Variants in CDH18 observed in about 807,000 individuals in gnomAD.
CDH18 encodes cadherin-18.
CDH18 carries 31 observed loss-of-function variants against 67.9 expected under a neutral mutation model. The ratio of observed to expected loss-of-function variants is 0.46; its 90% CI spans 0.34 to 0.62. CDH18 has a LOEUF of 0.62. Ranked by LOEUF, CDH18 falls within the 20% of genes least tolerant of loss-of-function variation. The pLI, the probability that CDH18 is intolerant of heterozygous loss-of-function variation, is 0.01. For synonymous variants in CDH18, 362 were observed against 347.2 expected, an observed-to-expected ratio of 1.04 and a Z score of -0.48; for missense variants, 890 against 975.5, an observed-to-expected ratio of 0.91 and a Z score of 1.17.
intron 2 of CDH18, among the ~76,000 whole-genome samples, chr5:20,083,300 T>A (rs1744646506): frequency 1.3e-5 from 2 of 152,212 alleles, no homozygotes; most frequent in African/African-American, 4.8e-5. Context: ...AGTAAGACTC[T>A]TATAGGTCAT....
Position 20,055,990 on chromosome 5 carries a change from C to CTT in CDH18, c.-517-63978_-517-63977dup, listed in dbSNP as rs34736791. On this transcript the variant is annotated intron_variant, in intron 2 of 14. Transcript: ENST00000507958. ...CTAACTTTAGGGTCCTTTTGGTTTCCTTTTTTTTTTTTTTTTTTTTTTTTT... is the reference window on the plus strand; with the variant it reads ...CTAACTTTAGGGTCCTTTTGGTTTCCTTTTTTTTTTTTTTTTTTTTTTTTTTT... Among the ~76,000 whole-genome samples, 123 of 73,820 alleles carry CTT rather than the reference C, an allele frequency of 1.7e-3. 2 individuals are homozygous for CTT. Among genetic ancestry groups the CTT allele is most frequent in the East Asian group, 4.0e-3 (10 of 2,514 alleles). The allele number at this position is 73,820 out of a possible 152,430, so 48.4% of individuals were successfully genotyped here. A position where few individuals can be genotyped will look rare whatever the true frequency, so the allele number is the denominator to read the frequency against.
Position 20,338,822 on chromosome 5 carries a change from G to C in CDH18, c.-579-83317C>G, listed in dbSNP as rs561944261. Among the ~76,000 whole-genome samples the C allele has an allele frequency of 2.4e-4, 36 of 152,290 alleles. No homozygotes were observed. The East Asian group carries it at 6.4e-3, about 27-fold the overall frequency. ...TTGGCCCACATTCAGCTATTCCAGT[G>C]TCTCTTCAGGGCCCCAAGGTGGAAG... On this transcript the variant is annotated intron_variant, in intron 1 of 14. Coordinates refer to the CDH18 transcript ENST00000507958.
rs1365472646 is a variant in CDH18 at position 19,534,321 on chromosome 5, AT to A, written c.1390+9547del. ...TTAAAAAAAAACTGAAAGCAGCAAC[AT>A]TTTTAATGGCTATGTAAAATGACAA... On this transcript the variant is annotated intron_variant, in intron 9 of 12. Coordinates refer to ENST00000382275, the MANE Select transcript of CDH18 (RefSeq NM_004934.5). Among the ~76,000 whole-genome samples the A allele has an allele frequency of 2.6e-5, 4 of 152,124 alleles. No homozygotes were observed. The East Asian group carries it at 7.7e-4, about 29-fold the overall frequency.
At chr5:19,743,175 C>T (rs945042709) in intron 4 of CDH18, among the ~76,000 whole-genome samples, 1 of 152,118 alleles carries the variant, frequency 6.6e-6, no homozygotes, top group African/African-American at 2.4e-5. Flanking sequence ...CATTAGATAA[C>T]TAACAGTATC....
At chr5:19,918,572 G>A (rs1561557513) in intron 2 of CDH18, among the ~76,000 whole-genome samples, 1 of 152,046 alleles carries the variant, frequency 6.6e-6, no homozygotes, top group African/African-American at 2.4e-5. Flanking sequence ...TTTGTTCACT[G>A]GTACATTCAT....
At chr5:19,643,465 G>A (rs1393246473) in intron 5 of CDH18, among the ~76,000 whole-genome samples, 2 of 151,960 alleles carry the variant, frequency 1.3e-5, no homozygotes, top group Non-Finnish European at 2.9e-5. Context: ...AAGAAAACGT[G>A]GTTTATTTAT....
At position 19,901,938 on chromosome 5, in the gene CDH18, C is replaced by G. The variant is rs1448579530; in HGVS notation, c.-256-62696G>C. 2.0e-5 allele frequency among the ~76,000 whole-genome samples: 3 copies of G among 151,966 alleles called. No individual in the cohort carries two copies. The East Asian group carries it at 5.8e-4, about 29-fold the overall frequency. ...TAGAAATAATACTAAGTTCCTTTGT[C>G]TCTGAAAACATCATGATACTCTAAA... On this transcript the variant is annotated intron_variant, in intron 2 of 12. Transcript: ENST00000382275.
At chr5:20,367,239 A>G (rs1742592263) in intron 1 of CDH18, among the ~76,000 whole-genome samples, 1 of 152,182 alleles carries the variant, frequency 6.6e-6, no homozygotes, top group African/African-American at 2.4e-5. Context: ...GGAAAAGTGT[A>G]GGCCTTTAGT....
intron 5 of CDH18, among the ~76,000 whole-genome samples, chr5:19,632,913 T>C (rs1374818321): frequency 6.6e-6 from 1 of 152,142 alleles, no homozygotes; most frequent in Non-Finnish European, 1.5e-5. Context: ...ATACTCCAAC[T>C]AGCTGCTGTT....
intron 3 of CDH18, among the ~76,000 whole-genome samples, chr5:19,764,841 G>C (rs992096132): frequency 5.9e-5 from 9 of 152,128 alleles, no homozygotes; most frequent in African/African-American, 1.9e-4. Flanking sequence ...TTTCCATGCA[G>C]TCTCGAAGCT....
chr5:19,899,154 C>G (rs762490996), intron 2 of CDH18, among the ~76,000 whole-genome samples: 3 of 152,156 alleles, frequency 2.0e-5, no homozygotes, highest in Admixed American at 6.5e-5. Flanking sequence ...AATCCCAGCA[C>G]TTTGGGAGGC....
At chr5:20,307,769 T>TA (rs1736600657) in intron 1 of CDH18, among the ~76,000 whole-genome samples, 1 of 151,516 alleles carries the variant, frequency 6.6e-6, no homozygotes, top group Non-Finnish European at 1.5e-5. Context: ...TGATTATTAT[T>TA]AAAAACTCTT....
intron 5 of CDH18, among the ~76,000 whole-genome samples, chr5:19,661,866 G>C (rs1385548041): frequency 6.6e-6 from 1 of 152,008 alleles, no homozygotes; most frequent in Non-Finnish European, 1.5e-5. Flanking sequence ...ATAATGTTTG[G>C]TCACCCATTT....
chr5:19,754,301 T>C (rs1009987635), intron 3 of CDH18, among the ~76,000 whole-genome samples: 1 of 151,942 alleles, frequency 6.6e-6, no homozygotes, highest in Non-Finnish European at 1.5e-5. Flanking sequence ...AAACTTTAAG[T>C]AAAGTGGTGA....
At chr5:20,263,042 G>A (rs1352628299) in intron 1 of CDH18, among the ~76,000 whole-genome samples, 2 of 149,500 alleles carry the variant, frequency 1.3e-5, no homozygotes, top group African/African-American at 2.5e-5. Flanking sequence ...GACAGGGATG[G>A]GGGGACAGAG....
intron 3 of CDH18, among the ~76,000 whole-genome samples, chr5:19,806,898 A>G (rs1230909510): frequency 6.6e-6 from 1 of 152,170 alleles, no homozygotes; most frequent in African/African-American, 2.4e-5. Flanking sequence ...CTATTTCCTC[A>G]CTGGGGAAAC....
intron 10 of CDH18, among the ~76,000 whole-genome samples, chr5:19,506,895 T>C (rs1160878532): frequency 6.6e-6 from 1 of 152,116 alleles, no homozygotes; most frequent in Non-Finnish European, 1.5e-5. Context: ...AAAGCCAAAA[T>C]TGACAAATGG....
Position 19,863,941 on chromosome 5 carries a change from T to C in CDH18, c.-256-24699A>G, listed in dbSNP as rs1021995751. 5.9e-5 allele frequency among the ~76,000 whole-genome samples: 9 copies of C among 152,136 alleles called. No individual in the cohort carries two copies. The East Asian group carries it at 7.8e-4, about 13-fold the overall frequency. ...TTACACTGTTGGTGGGACTGTAAAC[T>C]AGTTCAACCATTGTGGAAGTCAGTG... On this transcript the variant is annotated intron_variant, in intron 2 of 12. Coordinates refer to ENST00000382275, the MANE Select transcript of CDH18 (RefSeq NM_004934.5).
rs1219953215 is a variant in CDH18 at position 20,123,161 on chromosome 5, A to T, written c.-517-131147T>A. ...ATATATGGGGACTCCAGCCTACTGT[A>T]GTGTCATAAACTAGGGAAATATAAG... On this transcript the variant is annotated intron_variant, in intron 2 of 14. Transcript: ENST00000507958. 3.9e-5 allele frequency among the ~76,000 whole-genome samples: 6 copies of T among 152,026 alleles called. No homozygotes were observed. In the East Asian group the frequency reaches 1.2e-3, roughly 29 times the overall value.
Sources: gnomAD v4.1 joint callset for allele counts (sites outside exome capture counted in the v4.1 genomes callset) on GRCh38, gnomAD v4.1.1 for gene constraint, MANE v1.5 for transcripts, NCBI Gene and HGNC (gene_info 2026-07-23, HGNC 2026-07-21) for gene names.